HSD17B3: variants seen among roughly 807,000 people sequenced by gnomAD.
HSD17B3 encodes the protein 17-beta-hydroxysteroid dehydrogenase type 3.
Under a neutral mutation model 41.1 loss-of-function variants are expected in HSD17B3, and 29 were observed. The observed-to-expected ratio is 0.71, with a 90% CI of 0.53 to 0.96. The LOEUF (loss-of-function observed/expected upper bound fraction) is 0.96. HSD17B3 is among the 40% of genes least tolerant of loss of function. HSD17B3 has a pLI of 0.00. For synonymous variants in HSD17B3, 126 were observed against 145.6 expected (o/e 0.87, Z 0.97); for missense variants, 323 against 374.6 (o/e 0.86, Z 1.14).
chr9:96,266,980 C>A (rs184219864), intron 2 of HSD17B3, among the ~76,000 whole-genome samples: 1 of 152,176 alleles, frequency 6.6e-6, no homozygotes, highest in Admixed American at 6.5e-5. Context: ...CTATAGTACA[C>A]CCTGATCATA....
chr9:96,240,633 T>G (rs1383984187), intron 10 of HSD17B3, 125 bp downstream of exon 10: 19 of 992,452 alleles, frequency 1.9e-5, no homozygotes, highest in African/African-American at 3.2e-5. Flanking sequence ...ACATAGTCCT[T>G]GTACCTGGCT....
chr9:96,240,194 C>G (rs761216750), intron 10 of HSD17B3, among the ~76,000 whole-genome samples: 2 of 152,134 alleles, frequency 1.3e-5, no homozygotes, highest in Non-Finnish European at 2.9e-5. Context: ...ACCTATGTAA[C>G]AAACCTGCAC....
intron 2 of HSD17B3, among the ~76,000 whole-genome samples, chr9:96,294,707 A>G (rs1827281203): frequency 6.6e-6 from 1 of 152,184 alleles, no homozygotes; most frequent in East Asian, 1.9e-4. Context: ...TCGTTATATA[A>G]AAGGTTATAT....
At chr9:96,297,101 G>T (rs546534683) in intron 2 of HSD17B3, among the ~76,000 whole-genome samples, 2 of 151,502 alleles carry the variant, frequency 1.3e-5, no homozygotes, top group African/African-American at 4.8e-5. Context: ...AAAAATAATG[G>T]TATGTATAAT....
In HSD17B3 at chr9:96,290,287, A is replaced by C. The variant is rs145417023; in HGVS notation, c.201+8129T>G. ...GATTCGGTTAAATGCAGTGAAGAAT[A>C]AGCTTCTGGAAGGGCGGAGGAGAAG... is the stretch of plus-strand genomic sequence containing the variant. On this transcript the variant is annotated intron_variant, in intron 2 of 10. Transcript: ENST00000375263. Among the ~76,000 whole-genome samples the C allele has an allele frequency of 3.3e-3, 502 of 152,172 alleles. 4 individuals carry two copies. Among genetic ancestry groups the C allele is most frequent in the African/African-American group, 0.012 (485 of 41,504 alleles).
chr9:96,284,992 C>A (rs529765640), intron 2 of HSD17B3, among the ~76,000 whole-genome samples: 1 of 152,050 alleles, frequency 6.6e-6, no homozygotes, highest in Non-Finnish European at 1.5e-5. Flanking sequence ...GCACCCACTA[C>A]CATGCCTGGC....
chr9:96,294,389 C>A (rs1455621495), intron 2 of HSD17B3, among the ~76,000 whole-genome samples: 1 of 152,256 alleles, frequency 6.6e-6, no homozygotes, highest in Non-Finnish European at 1.5e-5. Context: ...TGTCCAAAAT[C>A]TCCAGACAGC....
At chr9:96,261,680 G>A (rs1300054480) in intron 2 of HSD17B3, among the ~76,000 whole-genome samples, 2 of 152,232 alleles carry the variant, frequency 1.3e-5, no homozygotes, top group African/African-American at 2.4e-5. Flanking sequence ...GAAACAGTCG[G>A]TATCAGTCAC....
At chr9:96,258,709 T>A (rs907852832) in intron 2 of HSD17B3, among the ~76,000 whole-genome samples, 1 of 152,176 alleles carries the variant, frequency 6.6e-6, no homozygotes, top group Non-Finnish European at 1.5e-5. Context: ...TAGGGAAAAA[T>A]TTATATCTTT....
At chr9:96,272,405 C>CTCTCTCTCTA (rs1239816824) in intron 2 of HSD17B3, among the ~76,000 whole-genome samples, 11 of 21,540 alleles carry the variant, frequency 5.1e-4, no homozygotes, top group African/African-American at 8.0e-4. Flanking sequence ...CTCTCTCTCT[C>CTCTCTCTCTA]TATATATATA....
intron 2 of HSD17B3, among the ~76,000 whole-genome samples, chr9:96,257,825 C>T (rs1293666792): frequency 2.0e-5 from 3 of 152,096 alleles, no homozygotes; most frequent in Admixed American, 6.6e-5. Flanking sequence ...CCATCATGCC[C>T]GGCTAATTCT....
At chr9:96,270,104 T>C (rs1437280928) in intron 2 of HSD17B3, among the ~76,000 whole-genome samples, 2 of 152,172 alleles carry the variant, frequency 1.3e-5, no homozygotes, top group East Asian at 1.9e-4. Context: ...AACATAAATG[T>C]GGCATACAGG....
At chr9:96,237,590 T>C (rs1367517910) in intron 10 of HSD17B3, among the ~76,000 whole-genome samples, 2 of 152,244 alleles carry the variant, frequency 1.3e-5, no homozygotes, top group African/African-American at 4.8e-5. Context: ...TATCTTTGCC[T>C]GGCCTCTTGG....
intron 2 of HSD17B3, among the ~76,000 whole-genome samples, chr9:96,297,692 TTC>T (rs751587997): frequency 1.3e-5 from 2 of 152,202 alleles, no homozygotes; most frequent in Non-Finnish European, 2.9e-5. Context: ...GTTTCTAGAA[TTC>T]TTTCTATTCT....
At chr9:96,274,890 C>T (rs1367184159) in intron 2 of HSD17B3, among the ~76,000 whole-genome samples, 1 of 152,122 alleles carries the variant, frequency 6.6e-6, no homozygotes, top group Admixed American at 6.5e-5. Flanking sequence ...CATCCAGGTT[C>T]ATGACTCCCA....
At chr9:96,262,571 C>T (rs1427346772) in intron 2 of HSD17B3, among the ~76,000 whole-genome samples, 1 of 152,026 alleles carries the variant, frequency 6.6e-6, no homozygotes, top group Non-Finnish European at 1.5e-5. Context: ...TTTCTTTATA[C>T]TTTCAAATAA....
chr9:96,255,303 A>G (rs1174147843), intron 2 of HSD17B3, among the ~76,000 whole-genome samples: 2 of 142,152 alleles, frequency 1.4e-5, no homozygotes, highest in Non-Finnish European at 3.0e-5. Flanking sequence ...TTTATACTAT[A>G]TCTTATGTAG....
At position 96,235,386 on chromosome 9, in the gene HSD17B3, T is replaced by A; in HGVS notation, c.*74A>T. The stretch of plus-strand genomic sequence containing the variant: ...TCAGCGGACTAGGTTGAAGTGCTGG[T>A]CTGCTCCTCTGGTCCTCTTCAGCCA... On this transcript the variant is annotated 3_prime_UTR_variant, in exon 11 of 11. Coordinates refer to ENST00000375263, the MANE Select transcript of HSD17B3 (RefSeq NM_000197.2). 4 of 1,001,444 alleles carry A rather than the reference T, an allele frequency of 4.0e-6. No homozygotes were observed. The South Asian group carries it at 5.4e-5, about 14-fold the overall frequency. 62.0% of individuals were successfully genotyped at this position (1,001,444 alleles called of 1,614,324 possible).
chr9:96,241,935 CA>C (rs1242081306), intron 9 of HSD17B3, among the ~76,000 whole-genome samples: 86 of 16,148 alleles, frequency 5.3e-3, no homozygotes, highest in Middle Eastern at 0.024. Flanking sequence ...GAAACCCTGT[CA>C]AAAAAAAAAA....
Sources: gnomAD v4.1 joint callset for allele counts (sites outside exome capture counted in the v4.1 genomes callset) on GRCh38, gnomAD v4.1.1 for gene constraint, MANE v1.5 for transcripts, NCBI Gene and HGNC (gene_info 2026-07-23, HGNC 2026-07-21) for gene names.